Variants in SGCD observed in about 807,000 individuals in gnomAD.
SGCD encodes the protein delta-sarcoglycan.
SGCD carries 18 observed loss-of-function variants against 36.6 expected under a neutral mutation model. The ratio of observed to expected loss-of-function variants is 0.49; its 90% CI spans 0.34 to 0.73. The LOEUF is 0.73. Ranked by LOEUF, SGCD falls within the 30% of genes least tolerant of loss-of-function variation. The pLI is 0.01. For synonymous variants in SGCD, 133 were observed against 130.6 expected, an observed-to-expected ratio of 1.02 and a Z score of -0.12; for missense variants, 387 against 346.7, an observed-to-expected ratio of 1.12 and a Z score of -0.92.
chr5:156,723,927 C>T (rs1170813050), intron 7 of SGCD, among the ~76,000 whole-genome samples: 1 of 152,018 alleles, frequency 6.6e-6, no homozygotes, highest in Non-Finnish European at 1.5e-5. Flanking sequence ...AGAGATCACT[C>T]TTTCTGCAAT....
At chr5:155,912,820 A>G (rs1756658576) in intron 1 of SGCD, among the ~76,000 whole-genome samples, 1 of 151,008 alleles carries the variant, frequency 6.6e-6, no homozygotes, top group African/African-American at 2.4e-5. Context: ...CTCTTCCTAA[A>G]TTTATATTTC....
At chr5:156,465,230 G>A (rs1316132745) in intron 3 of SGCD, among the ~76,000 whole-genome samples, 1 of 152,092 alleles carries the variant, frequency 6.6e-6, no homozygotes, top group Non-Finnish European at 1.5e-5. Flanking sequence ...ATTCTTAGAT[G>A]GTGGTTCTCA....
At chr5:156,337,270 T>A (rs928548642) in intron 2 of SGCD, among the ~76,000 whole-genome samples, 3 of 152,220 alleles carry the variant, frequency 2.0e-5, no homozygotes, top group Admixed American at 1.3e-4. Flanking sequence ...GGTTACAATC[T>A]CATAGTTACA....
At chr5:155,745,464 C>T in the SGCD span, among the ~76,000 whole-genome samples, 1 of 152,152 alleles carries the variant, frequency 6.6e-6, no homozygotes, top group Non-Finnish European at 1.5e-5. Flanking sequence ...TTCTATTTCT[C>T]TCTTTTTTTC....
chr5:156,021,491 G>T (rs1448829652), intron 1 of SGCD, among the ~76,000 whole-genome samples: 1 of 152,140 alleles, frequency 6.6e-6, no homozygotes, highest in Admixed American at 6.5e-5. Context: ...CTGCAGTTCT[G>T]CCTGAGCAAC....
At chr5:156,070,677 T>C (rs1684387609) in intron 1 of SGCD, among the ~76,000 whole-genome samples, 1 of 152,164 alleles carries the variant, frequency 6.6e-6, no homozygotes, top group East Asian at 1.9e-4. Flanking sequence ...CCCCTTTTTC[T>C]ATTGATTGGA....
At chr5:155,946,925 G>A (rs1757447970) in intron 1 of SGCD, among the ~76,000 whole-genome samples, 2 of 152,150 alleles carry the variant, frequency 1.3e-5, no homozygotes, top group Non-Finnish European at 2.9e-5. Flanking sequence ...GTCCAGCAAA[G>A]CCCCTTATTT....
At chr5:156,757,891 G>A (rs951344564) in intron 8 of SGCD, 187 bp downstream of exon 8, 27 of 1,307,224 alleles carry the variant, frequency 2.1e-5, no homozygotes, top group Non-Finnish European at 2.2e-5. Context: ...TCAAAGTGAT[G>A]ATTTCTTATT....
At chr5:155,972,948 GAT>G (rs1758035818) in intron 1 of SGCD, among the ~76,000 whole-genome samples, 1 of 151,986 alleles carries the variant, frequency 6.6e-6, no homozygotes, top group Admixed American at 6.6e-5. Flanking sequence ...ATTAACCCTA[GAT>G]ATGTCACATA....
the SGCD span, among the ~76,000 whole-genome samples, chr5:155,743,108 C>T: frequency 3.9e-5 from 6 of 152,076 alleles, no homozygotes; most frequent in Non-Finnish European, 8.8e-5. Flanking sequence ...TTTATGGAAG[C>T]TTTTTTAGGT....
At chr5:156,189,340 G>T (rs374344811) in intron 3 of SGCD, among the ~76,000 whole-genome samples, 5 of 152,090 alleles carry the variant, frequency 3.3e-5, no homozygotes, top group Non-Finnish European at 5.9e-5. Context: ...AAATGAAAAA[G>T]CCAACTGTAA....
At chr5:156,314,724 G>A (rs1018833970) in intron 3 of SGCD, among the ~76,000 whole-genome samples, 2 of 152,014 alleles carry the variant, frequency 1.3e-5, no homozygotes, top group African/African-American at 4.8e-5. Context: ...GAACATAGCA[G>A]AGGACTTAAC....
intron 3 of SGCD, among the ~76,000 whole-genome samples, chr5:156,151,173 T>C (rs939560903): frequency 6.6e-6 from 1 of 151,534 alleles, no homozygotes; most frequent in Non-Finnish European, 1.5e-5. Flanking sequence ...ACACAAGAAA[T>C]TCCTGCTTTC....
In SGCD at chr5:156,135,869, G is replaced by C. The variant is rs115495357; in HGVS notation, c.-44+11850G>C. ...ATATATTTTAGATTCCTGAAGGTTA[G>C]TTTTCAGGATCTGGACTTCCTAATT... On this transcript the variant is annotated intron_variant, in intron 3 of 9. Transcript: ENST00000517913. 9.8e-3 allele frequency among the ~76,000 whole-genome samples: 1,492 copies of C among 152,190 alleles called. 26 individuals are homozygous for C. Among genetic ancestry groups the C allele is most frequent in the African/African-American group, 0.031 (1,285 of 41,524 alleles).
chr5:156,167,978 A>T (rs963585613), intron 3 of SGCD, among the ~76,000 whole-genome samples: 18 of 152,244 alleles, frequency 1.2e-4, no homozygotes, highest in African/African-American at 4.3e-4. Context: ...CTTGCTTATC[A>T]GCACCATGTC....
intron 3 of SGCD, among the ~76,000 whole-genome samples, chr5:156,359,474 G>A (rs1446588863): frequency 6.6e-6 from 1 of 152,160 alleles, no homozygotes; most frequent in African/African-American, 2.4e-5. Context: ...TCGTTTCCCA[G>A]ATGAGAAAAT....
At chr5:156,733,496 T>C (rs1207955991) in intron 7 of SGCD, among the ~76,000 whole-genome samples, 1 of 152,034 alleles carries the variant, frequency 6.6e-6, no homozygotes, top group Non-Finnish European at 1.5e-5. Context: ...TATTCTGTTG[T>C]TTTGGGGTGG....
chr5:156,133,644 C>T (rs540326693), intron 3 of SGCD, among the ~76,000 whole-genome samples: 39 of 152,202 alleles, frequency 2.6e-4, no homozygotes, highest in South Asian at 6.2e-4. Flanking sequence ...TAATGTTCTT[C>T]GATTCTGCTT....
chr5:156,669,802 T>G (rs1275153054), intron 7 of SGCD, among the ~76,000 whole-genome samples: 1 of 152,178 alleles, frequency 6.6e-6, no homozygotes. Context: ...TGAACCAGGA[T>G]TGATTGTAAC....
Sources: gnomAD v4.1 joint callset for allele counts (sites outside exome capture counted in the v4.1 genomes callset) on GRCh38, gnomAD v4.1.1 for gene constraint, MANE v1.5 for transcripts, NCBI Gene and HGNC (gene_info 2026-07-23, HGNC 2026-07-21) for gene names.